AGPS: variants seen among roughly 807,000 people sequenced by gnomAD.
AGPS encodes the protein alkyldihydroxyacetonephosphate synthase, peroxisomal.
A neutral mutation model predicts 90.7 loss-of-function variants in AGPS; 26 were observed. The ratio of observed to expected loss-of-function variants is 0.29; its 90% CI spans 0.21 to 0.40. AGPS has a LOEUF of 0.40. AGPS is among the 10% of genes least tolerant of loss of function. AGPS has a pLI of 1.00. For synonymous variants in AGPS, 294 were observed against 285.3 expected, an observed-to-expected ratio of 1.03 and a Z score of -0.31; for missense variants, 540 against 816.1, an observed-to-expected ratio of 0.66 and a Z score of 4.12.
intron 1 of AGPS, among the ~76,000 whole-genome samples, chr2:177,397,054 C>T (rs1050288482): frequency 3.3e-5 from 5 of 151,728 alleles, no homozygotes; most frequent in Non-Finnish European, 7.4e-5. Flanking sequence ...ATTCTCCTGC[C>T]TCAGCCTCCG....
intron 6 of AGPS, among the ~76,000 whole-genome samples, chr2:177,441,631 A>G (rs1686604364): frequency 6.6e-6 from 1 of 152,236 alleles, no homozygotes; most frequent in South Asian, 2.1e-4. Flanking sequence ...AACCTTACAG[A>G]TTAACACCCC....
rs1056918617 is a variant in AGPS at position 177,412,358 on chromosome 2, C to T, written c.261-7911C>T. ...TGTCAACCGGCTAATGCTGGGAGTT[C>T]GGGACGACAGCTTTCTGCCTCTAGT... On this transcript the variant is annotated intron_variant, in intron 1 of 19. Coordinates refer to ENST00000264167, the MANE Select transcript of AGPS (RefSeq NM_003659.4). Among the ~76,000 whole-genome samples the T allele has an allele frequency of 3.9e-5, 6 of 152,206 alleles. No individual in the cohort carries two copies. The South Asian group carries it at 6.3e-4, about 16-fold the overall frequency.
chr2:177,527,100 G>A (rs953743467), intron 19 of AGPS, among the ~76,000 whole-genome samples: 2 of 152,160 alleles, frequency 1.3e-5, no homozygotes, highest in Non-Finnish European at 2.9e-5. Flanking sequence ...GAAAATGACA[G>A]GCTTTGAGAA....
chr2:177,450,845 G>C (rs889230559), intron 8 of AGPS, among the ~76,000 whole-genome samples: 2 of 150,094 alleles, frequency 1.3e-5, no homozygotes, highest in African/African-American at 4.9e-5. Flanking sequence ...TGAGGAGACT[G>C]ACAGCTTAAC....
At position 177,543,354 on chromosome 2, in the gene AGPS, T is replaced by C. The variant is rs536424736; in HGVS notation, c.*5159T>C. ...TGTTCTGGACAATGATTAAATCTTA[T>C]GAGAAATATATGTAGGTTATATTAA... is the stretch of plus-strand genomic sequence containing the variant. On this transcript the variant is annotated 3_prime_UTR_variant, in exon 20 of 20. Coordinates refer to ENST00000264167, the MANE Select transcript of AGPS (RefSeq NM_003659.4). 5.0e-4 allele frequency: 76 copies of C among 152,348 alleles called. No individual in the cohort carries two copies. Among genetic ancestry groups the C allele is most frequent in the African/African-American group, 1.6e-3 (68 of 41,592 alleles). The allele number at this position is 152,348 out of a possible 1,614,324, so 9.4% of individuals were successfully genotyped here.
chr2:177,415,808 TGGCCA>T (rs894173955), intron 1 of AGPS, among the ~76,000 whole-genome samples: 1 of 152,148 alleles, frequency 6.6e-6, no homozygotes, highest in Non-Finnish European at 1.5e-5. Context: ...TAGATCCTTT[TGGCCA>T]TTTCAGTTGT....
chr2:177,472,844 T>C (rs936051228), intron 10 of AGPS, among the ~76,000 whole-genome samples: 3 of 152,328 alleles, frequency 2.0e-5, no homozygotes, highest in Non-Finnish European at 4.4e-5. Context: ...GTCCACATAC[T>C]TTTACGTGTG....
In AGPS at chr2:177,543,396, C is replaced by T. The variant is rs1260613704; in HGVS notation, c.*5201C>T. ...TTATATTAATTCTTGTCCATTTTTG[C>T]TAAGCCTGTGAAATACTTTGGCTCT... On this transcript the variant is annotated 3_prime_UTR_variant, in exon 20 of 20. Coordinates refer to ENST00000264167, the MANE Select transcript of AGPS (RefSeq NM_003659.4). 1 of 152,176 alleles carries T rather than the reference C, an allele frequency of 6.6e-6. No homozygotes were observed. The highest frequency in any genetic ancestry group is 1.5e-5 in the Non-Finnish European group (1 of 68,028). The allele number at this position is 152,176 out of a possible 1,614,324, so 9.4% of individuals were successfully genotyped here.
chr2:177,450,886 C>T (rs1025554645), intron 8 of AGPS, among the ~76,000 whole-genome samples: 3 of 118,670 alleles, frequency 2.5e-5, no homozygotes, highest in African/African-American at 8.7e-5. Flanking sequence ...GACCCATGAA[C>T]ATGGTATATC....
intron 13 of AGPS, among the ~76,000 whole-genome samples, chr2:177,498,118 A>G (rs1688461675): frequency 6.6e-6 from 1 of 151,706 alleles, no homozygotes; most frequent in Non-Finnish European, 1.5e-5. Context: ...TAGAGTGTTA[A>G]GCCATCTTAT....
At chr2:177,446,614 C>A (rs1686784759) in intron 8 of AGPS, among the ~76,000 whole-genome samples, 1 of 152,000 alleles carries the variant, frequency 6.6e-6, no homozygotes, top group Non-Finnish European at 1.5e-5. Context: ...TTATAAAGCC[C>A]CTTTTAGAAG....
intron 13 of AGPS, 53 bp downstream of exon 13, chr2:177,497,818 C>T (rs1688453470): frequency 2.0e-6 from 2 of 999,702 alleles, no homozygotes; most frequent in Non-Finnish European, 3.0e-6. Context: ...TATCTGTTTT[C>T]TGCTTTCTTC....
intron 14 of AGPS, among the ~76,000 whole-genome samples, chr2:177,505,204 T>C (rs531518385): frequency 1.2e-3 from 175 of 152,104 alleles, no homozygotes; most frequent in African/African-American, 3.9e-3. Flanking sequence ...TAATAACATA[T>C]GAATATATGA....
Position 177,392,881 on chromosome 2 carries a change from C to T in AGPS, c.92C>T (p.Pro31Leu), listed in dbSNP as rs1317555779. The T allele has an allele frequency of 1.3e-6, 2 of 1,550,388 alleles. No individual in the cohort carries two copies. The highest frequency in any genetic ancestry group is 1.7e-6 in the Non-Finnish European group (2 of 1,148,520). Reference protein sequence around the residue: ...SAADRDRDPDPDRAGRRLRVL... With the variant: ...SAADRDRDPDLDRAGRRLRVL... ...GCGGACCGGGACCGGGACCCGGACC[C>T]GGACCGCGCCGGGCGGAGGCTGCGG... The change falls in exon 1 of 20, where the codon CCG becomes CTG. Residue 31 changes from proline (P) to leucine (L), a missense_variant. Physicochemically the swap from Pro to Leu is moderately conservative, Grantham distance 98. Coordinates refer to ENST00000264167, the MANE Select transcript of AGPS (RefSeq NM_003659.4).
chr2:177,393,320 T>A (rs1244203076), intron 1 of AGPS: 2 of 985,294 alleles, frequency 2.0e-6, no homozygotes, highest in East Asian at 2.3e-4. Flanking sequence ...AAGGATTCCT[T>A]TTTCCTGAGC....
In AGPS at chr2:177,436,969, C is replaced by T. The variant is rs749441827; in HGVS notation, c.563-11C>T. ...GTTTTTGTGTTTTTCTTTTTTTTAA[C>T]CACAAAACAGGTCATTGTCTTCATG... On this transcript the variant is annotated splice_polypyrimidine_tract_variant and intron_variant, in intron 4 of 19. Coordinates refer to ENST00000264167, the MANE Select transcript of AGPS (RefSeq NM_003659.4). 6.2e-7 allele frequency: 1 copy of T among 1,611,594 alleles called. No individual in the cohort carries two copies. Among genetic ancestry groups the T allele is most frequent in the South Asian group, 1.1e-5 (1 of 90,874 alleles).
intron 1 of AGPS, among the ~76,000 whole-genome samples, chr2:177,400,583 C>T (rs1035654224): frequency 1.3e-5 from 2 of 152,062 alleles, no homozygotes; most frequent in East Asian, 3.9e-4. Flanking sequence ...GGGTGAGATT[C>T]GGAGGGGTAG....
At chr2:177,526,618 C>T (rs1559084887) in intron 19 of AGPS, among the ~76,000 whole-genome samples, 1 of 152,218 alleles carries the variant, frequency 6.6e-6, no homozygotes, top group East Asian at 1.9e-4. Context: ...CAGTCCTTCC[C>T]GTGAAGGGCC....
At chr2:177,505,468 G>A (rs772575162) in intron 14 of AGPS, 38 bp from the exon 15 acceptor site, 2 of 1,551,800 alleles carry the variant, frequency 1.3e-6, no homozygotes, top group Non-Finnish European at 1.8e-6. Context: ...ATGAGATTAA[G>A]ATAAAAAATT....
Sources: allele counts gnomAD v4.1 joint callset (sites outside exome capture counted in the v4.1 genomes callset), GRCh38; gene constraint gnomAD v4.1.1; transcripts MANE v1.5; gene names NCBI Gene and HGNC (gene_info 2026-07-23, HGNC 2026-07-21).